TUSC3: variants seen among roughly 807,000 people sequenced by gnomAD.
TUSC3 encodes dolichyl-diphosphooligosaccharide--protein glycosyltransferase subunit TUSC3.
Under a neutral mutation model 44.8 loss-of-function variants are expected in TUSC3, and 45 were observed. The observed-to-expected ratio is 1.00, with a 90% confidence interval of 0.79 to 1.29. TUSC3 has a LOEUF of 1.29. Among genes scored for constraint, TUSC3 ranks in the 50% most tolerant of loss-of-function variants. TUSC3 has a pLI of 0.00. For synonymous variants in TUSC3, 212 were observed against 152.9 expected, an observed-to-expected ratio of 1.39 and a Z score of -2.85; for missense variants, 519 against 437.9, an observed-to-expected ratio of 1.19 and a Z score of -1.65.
chr8:15,800,612 C>T, the TUSC3 span, among the ~76,000 whole-genome samples: 14 of 151,804 alleles, frequency 9.2e-5, no homozygotes, highest in Admixed American at 8.5e-4. Flanking sequence ...ACATTTTCTC[C>T]TAGGGATGAG....
At chr8:15,551,133 A>G (rs899186132) in intron 1 of TUSC3, among the ~76,000 whole-genome samples, 5 of 151,796 alleles carry the variant, frequency 3.3e-5, no homozygotes, top group Admixed American at 3.3e-4. Context: ...ATTTCTGAAC[A>G]TGGTAAATGC....
intron 1 of TUSC3, among the ~76,000 whole-genome samples, chr8:15,473,555 T>C (rs1269844329): frequency 2.6e-5 from 4 of 152,188 alleles, no homozygotes; most frequent in Non-Finnish European, 5.9e-5. Flanking sequence ...TCCATAAGTG[T>C]CGGCTGGCTG....
At chr8:15,687,502 G>A (rs1388279572) in intron 6 of TUSC3, among the ~76,000 whole-genome samples, 2 of 152,018 alleles carry the variant, frequency 1.3e-5, no homozygotes, top group Non-Finnish European at 2.9e-5. Context: ...AGCTTTGGTA[G>A]AACTCCATCT....
intron 1 of TUSC3, among the ~76,000 whole-genome samples, chr8:15,622,060 C>G (rs984446311): frequency 1.2e-4 from 18 of 152,084 alleles, no homozygotes; most frequent in African/African-American, 3.4e-4. Context: ...GCCACTTTTC[C>G]TTTTTCACCT....
chr8:15,743,078 C>G (rs189067630), intron 7 of TUSC3, among the ~76,000 whole-genome samples: 1 of 152,256 alleles, frequency 6.6e-6, no homozygotes, highest in East Asian at 1.9e-4. Context: ...TTTCAAGTGA[C>G]ATGATACCGG....
chr8:15,784,794 G>A, the TUSC3 span, among the ~76,000 whole-genome samples: 3 of 152,012 alleles, frequency 2.0e-5, no homozygotes, highest in African/African-American at 7.2e-5. Flanking sequence ...ATAGTCAAAG[G>A]GGACAGTTTT....
chr8:15,777,161 A>T, the TUSC3 span, among the ~76,000 whole-genome samples: 3 of 152,202 alleles, frequency 2.0e-5, no homozygotes, highest in Non-Finnish European at 4.4e-5. Flanking sequence ...GGTAACTAAA[A>T]GATAAATCAG....
At chr8:15,692,371 C>CT (rs1563175847) in intron 6 of TUSC3, among the ~76,000 whole-genome samples, 14 of 18,818 alleles carry the variant, frequency 7.4e-4, no homozygotes, top group Non-Finnish European at 1.1e-3. Flanking sequence ...CCCCCCCCCC[C>CT]TTTGTTTTTT....
intron 1 of TUSC3, among the ~76,000 whole-genome samples, chr8:15,582,715 C>T (rs1259664330): frequency 6.6e-6 from 1 of 152,198 alleles, no homozygotes; most frequent in Admixed American, 6.5e-5. Flanking sequence ...CTGAAACTGC[C>T]TGGTGTAACC....
At chr8:15,488,343 A>AG (rs1156882940) in intron 2 of TUSC3, among the ~76,000 whole-genome samples, 1 of 151,840 alleles carries the variant, frequency 6.6e-6, no homozygotes, top group African/African-American at 2.4e-5. Flanking sequence ...AAAAAAAAAA[A>AG]TTAAAATAAA....
At chr8:15,428,953 G>A (rs1013821817) in intron 1 of TUSC3, among the ~76,000 whole-genome samples, 1 of 152,134 alleles carries the variant, frequency 6.6e-6, no homozygotes, top group Non-Finnish European at 1.5e-5. Flanking sequence ...TGCTTTTGCT[G>A]TGCAGAAGCT....
intron 6 of TUSC3, among the ~76,000 whole-genome samples, chr8:15,678,459 T>G (rs1275047375): frequency 6.6e-6 from 1 of 152,164 alleles, no homozygotes; most frequent in Non-Finnish European, 1.5e-5. Flanking sequence ...GGGTATTGGT[T>G]TTATTTCGAG....
At chr8:15,478,786 G>C (rs533510238) in intron 1 of TUSC3, among the ~76,000 whole-genome samples, 1 of 152,012 alleles carries the variant, frequency 6.6e-6, no homozygotes, top group Non-Finnish European at 1.5e-5. Flanking sequence ...TACTCCTTTG[G>C]GTATATACCT....
chr8:15,643,166 C>T (rs1806461564), intron 2 of TUSC3, among the ~76,000 whole-genome samples: 1 of 152,142 alleles, frequency 6.6e-6, no homozygotes, highest in African/African-American at 2.4e-5. Flanking sequence ...CCTTGCTTCC[C>T]TTTTGCCTTC....
chr8:15,577,029 T>C (rs1282873389), intron 1 of TUSC3, among the ~76,000 whole-genome samples: 1 of 142,204 alleles, frequency 7.0e-6, no homozygotes, highest in African/African-American at 2.6e-5. Flanking sequence ...TGGTATCTCA[T>C]TGTGGTTTTG....
chr8:15,663,635 C>T (rs1443887239), intron 5 of TUSC3, among the ~76,000 whole-genome samples: 1 of 151,762 alleles, frequency 6.6e-6, no homozygotes, highest in Non-Finnish European at 1.5e-5. Context: ...CTTTTAAGAG[C>T]AAGGAAGATA....
At chr8:15,802,621 C>T in the TUSC3 span, among the ~76,000 whole-genome samples, 19 of 151,834 alleles carry the variant, frequency 1.3e-4, no homozygotes, top group South Asian at 4.0e-3. Context: ...TCAAGAGGGG[C>T]ATGGCTATAA....
At chr8:15,783,418 C>G in the TUSC3 span, among the ~76,000 whole-genome samples, 1 of 152,050 alleles carries the variant, frequency 6.6e-6, no homozygotes, top group African/African-American at 2.4e-5. Context: ...ATAGCTGAAG[C>G]AATCATGAGC....
intron 1 of TUSC3, among the ~76,000 whole-genome samples, chr8:15,427,056 T>C (rs746684886): frequency 6.6e-6 from 1 of 151,180 alleles, no homozygotes; most frequent in Non-Finnish European, 1.5e-5. Context: ...TTTAAATTAG[T>C]TTTTGTTTGT....
Sources: allele counts gnomAD v4.1 joint callset (sites outside exome capture counted in the v4.1 genomes callset), GRCh38; gene constraint gnomAD v4.1.1; transcripts MANE v1.5; gene names NCBI Gene and HGNC (gene_info 2026-07-23, HGNC 2026-07-21).